The following KCNQ5 variants were observed in gnomAD, a reference collection of about 807,000 sequenced individuals.
KCNQ5 encodes the protein potassium voltage-gated channel subfamily Q member 5.
In KCNQ5, 30 loss-of-function variants were observed where a neutral mutation model predicts 98.2. The observed-to-expected ratio is 0.31, with a 90% CI of 0.23 to 0.41. The LOEUF is 0.41. KCNQ5 is among the 10% of genes least tolerant of loss of function. KCNQ5 has a pLI of 1.00. For missense variants in KCNQ5, 835 were observed against 1,182.5 expected, an observed-to-expected ratio of 0.71 and a Z score of 4.31; for synonymous variants, 458 against 449.4, an observed-to-expected ratio of 1.02 and a Z score of -0.24.
chr6:72,982,865 G>A (rs1455612787), intron 1 of KCNQ5, among the ~76,000 whole-genome samples: 2 of 152,124 alleles, frequency 1.3e-5, no homozygotes, highest in East Asian at 3.9e-4. Context: ...AGGCAGGCCT[G>A]GTGGTAACAA....
At chr6:72,781,154 G>A (rs929877113) in intron 1 of KCNQ5, among the ~76,000 whole-genome samples, 2 of 152,100 alleles carry the variant, frequency 1.3e-5, no homozygotes, top group African/African-American at 4.8e-5. Flanking sequence ...CCCATGACTG[G>A]TATCCTTGTG....
intron 2 of KCNQ5, among the ~76,000 whole-genome samples, chr6:73,025,199 T>C (rs1417173668): frequency 3.3e-5 from 5 of 152,234 alleles, no homozygotes; most frequent in Non-Finnish European, 7.3e-5. Context: ...AGCCAGACAT[T>C]TGTCAAAATT....
At chr6:72,926,973 C>T (rs570960312) in intron 1 of KCNQ5, among the ~76,000 whole-genome samples, 14 of 152,114 alleles carry the variant, frequency 9.2e-5, no homozygotes, top group Non-Finnish European at 1.6e-4. Context: ...ACAAGTTTCT[C>T]ATTACCATGG....
rs566230570 is a variant in KCNQ5, at chr6:73,198,089, C to T, written c.*2675C>T. The T allele has an allele frequency of 1.3e-5, 2 of 152,184 alleles. No individual in the cohort carries two copies. The highest frequency in any genetic ancestry group is 2.9e-5 in the Non-Finnish European group (2 of 68,006). The allele number at this position is 152,184 out of a possible 1,614,324, so 9.4% of individuals were successfully genotyped here. A position where few individuals can be genotyped will look rare whatever the true frequency, so the allele number is the denominator to read the frequency against. ...TCTCTGTGGAAATGAGAGGGGTCTC[C>T]CATTTACACTAAGCAAATTTCCATT... On this transcript the variant is annotated 3_prime_UTR_variant, in exon 14 of 14. Coordinates refer to ENST00000370398, the MANE Select transcript of KCNQ5 (RefSeq NM_019842.4).
intron 1 of KCNQ5, among the ~76,000 whole-genome samples, chr6:72,626,352 G>C (rs898747602): frequency 2.0e-5 from 3 of 152,224 alleles, no homozygotes; most frequent in Admixed American, 6.5e-5. Context: ...AATCTTGACA[G>C]AGAAAACAGC....
chr6:73,049,918 C>T (rs796842716), intron 3 of KCNQ5, among the ~76,000 whole-genome samples: 12 of 152,226 alleles, frequency 7.9e-5, no homozygotes, highest in African/African-American at 2.9e-4. Context: ...CACAGTGGCT[C>T]ATGCCTGTAA....
At chr6:72,878,114 C>G (rs1044462138) in intron 1 of KCNQ5, among the ~76,000 whole-genome samples, 1 of 152,160 alleles carries the variant, frequency 6.6e-6, no homozygotes, top group Non-Finnish European at 1.5e-5. Flanking sequence ...CTACTAAATA[C>G]AAAAAATTAG....
At chr6:73,142,249 T>TA (rs1776751050) in intron 10 of KCNQ5, among the ~76,000 whole-genome samples, 1 of 152,138 alleles carries the variant, frequency 6.6e-6, no homozygotes, top group Non-Finnish European at 1.5e-5. Context: ...GCAGGGACTA[T>TA]ACAGGGGGGT....
intron 9 of KCNQ5, among the ~76,000 whole-genome samples, chr6:73,126,518 A>T (rs1483403132): frequency 6.6e-6 from 1 of 152,234 alleles, no homozygotes; most frequent in Non-Finnish European, 1.5e-5. Flanking sequence ...CAAAAAAACT[A>T]CCAACCAAAT....
intron 1 of KCNQ5, among the ~76,000 whole-genome samples, chr6:72,897,546 A>C (rs983810123): frequency 5.9e-5 from 9 of 152,228 alleles, no homozygotes; most frequent in African/African-American, 2.2e-4. Flanking sequence ...CCTCTCAAGA[A>C]GACAAGCAAA....
At chr6:72,757,699 C>A (rs1264812271) in intron 1 of KCNQ5, among the ~76,000 whole-genome samples, 2 of 152,008 alleles carry the variant, frequency 1.3e-5, no homozygotes, top group East Asian at 3.9e-4. Flanking sequence ...CATAGCGTAA[C>A]CCTGGTTAAG....
intron 7 of KCNQ5, among the ~76,000 whole-genome samples, chr6:73,118,517 G>T (rs1164659363): frequency 4.6e-5 from 7 of 152,068 alleles, no homozygotes; most frequent in Admixed American, 2.0e-4. Flanking sequence ...ATACCTAGGA[G>T]TGTGTAGTTG....
In KCNQ5 at chr6:72,792,362, C is replaced by T. The variant is rs965155791; in HGVS notation, c.398+169775C>T. ...CTTGCTATACCATTCTCTTGCCCTT[C>T]GAAGCACAATAAAGCCAATAATAGA... On this transcript the variant is annotated intron_variant, in intron 1 of 13. Transcript: ENST00000370398. Among the ~76,000 whole-genome samples the T allele has an allele frequency of 8.6e-4, 131 of 152,024 alleles. 8 individuals are homozygous for T. Among genetic ancestry groups the T allele is most frequent in the African/African-American group, 9.7e-5 (4 of 41,384 alleles).
At chr6:72,788,648 A>G (rs560900464) in intron 1 of KCNQ5, among the ~76,000 whole-genome samples, 2 of 152,368 alleles carry the variant, frequency 1.3e-5, no homozygotes, top group African/African-American at 4.8e-5. Context: ...CAATTTTTCA[A>G]ATAATTCTGG....
chr6:72,637,013 G>T (rs975177218), intron 1 of KCNQ5, among the ~76,000 whole-genome samples: 1 of 151,660 alleles, frequency 6.6e-6, no homozygotes, highest in Non-Finnish European at 1.5e-5. Context: ...TCTGCTCAGG[G>T]CATTCCCACA....
rs1565070023 is a variant in KCNQ5, at chr6:72,669,679, C to G, written c.398+47092C>G. Among the ~76,000 whole-genome samples, 3 of 152,282 alleles carry G rather than the reference C, an allele frequency of 2.0e-5. No individual in the cohort carries two copies. In the Middle Eastern group the frequency reaches 0.01, roughly 518 times the overall value. The stretch of plus-strand genomic sequence containing the variant: ...GTTCATAGACAAAGAGCTCTATGGT[C>G]TGGTCCTGTAGAACCCAAGAAGTTC... On this transcript the variant is annotated intron_variant, in intron 1 of 13. Transcript: ENST00000370398.
chr6:73,135,431 T>A, intron 10 of KCNQ5: 1 of 149,666 alleles, frequency 6.7e-6, no homozygotes, highest in Non-Finnish European at 1.5e-5. Context: ...AGCCCTCAGT[T>A]TAGAAAAACA....
intron 1 of KCNQ5, among the ~76,000 whole-genome samples, chr6:72,863,857 A>T (rs1284803713): frequency 6.6e-6 from 1 of 152,222 alleles, no homozygotes; most frequent in Non-Finnish European, 1.5e-5. Flanking sequence ...AATTTATGTT[A>T]CACAAATAAT....
At chr6:73,101,323 G>T (rs1464076378) in intron 5 of KCNQ5, among the ~76,000 whole-genome samples, 3 of 152,062 alleles carry the variant, frequency 2.0e-5, no homozygotes, top group Non-Finnish European at 4.4e-5. Flanking sequence ...GGGATGCAAG[G>T]ATGGTTCCTC....
Sources: allele counts gnomAD v4.1 joint callset (sites outside exome capture counted in the v4.1 genomes callset), GRCh38; gene constraint gnomAD v4.1.1; transcripts MANE v1.5; gene names NCBI Gene and HGNC (gene_info 2026-07-23, HGNC 2026-07-21).